The following ZRANB2 variants were observed in gnomAD, a reference collection of about 807,000 sequenced individuals.
ZRANB2 encodes zinc finger Ran-binding domain-containing protein 2.
A neutral mutation model predicts 53.4 loss-of-function variants in ZRANB2; 19 were observed. The observed-to-expected ratio is 0.36, with a 90% CI of 0.25 to 0.52. The LOEUF (loss-of-function observed/expected upper bound fraction) is 0.52. Among genes scored for constraint, ZRANB2 ranks in the 20% least tolerant of loss-of-function variants. The pLI is 0.93. For synonymous variants in ZRANB2, 145 were observed against 134.8 expected (o/e 1.08, Z -0.52); for missense variants, 309 against 401.1 (o/e 0.77, Z 1.96).
chr1:71,080,871 T>C (rs768204927), intron 1 of ZRANB2, 69 bp downstream of exon 1: 91 of 1,571,456 alleles, frequency 5.8e-5, no homozygotes, highest in Middle Eastern at 1.7e-4. Context: ...AAAAGGAAAA[T>C]GCCGGACGGA....
intron 9 of ZRANB2, chr1:71,066,509 A>C (rs1444529185): frequency 3.3e-6 from 1 of 299,504 alleles, no homozygotes; most frequent in Non-Finnish European, 6.1e-6. Context: ...AAAAGACAGA[A>C]ATAACCGAGA....
intron 4 of ZRANB2, 115 bp downstream of exon 4, chr1:71,076,680 C>T (rs561933463): frequency 1.2e-5 from 9 of 769,328 alleles, no homozygotes; most frequent in South Asian, 9.8e-5. Context: ...ACATTCAGGG[C>T]AGAATAAACA....
At chr1:71,079,518 G>C (rs982313781) in intron 1 of ZRANB2, among the ~76,000 whole-genome samples, 2 of 152,088 alleles carry the variant, frequency 1.3e-5, no homozygotes, top group Admixed American at 1.3e-4. Flanking sequence ...GTGAAGTATG[G>C]GATGACACTA....
intron 4 of ZRANB2, among the ~76,000 whole-genome samples, chr1:71,074,406 C>G (rs1330812329): frequency 6.6e-6 from 1 of 151,876 alleles, no homozygotes; most frequent in Non-Finnish European, 1.5e-5. Context: ...TGAGCAAGGG[C>G]CAAGAAAGAA....
Position 71,069,381 on chromosome 1 carries a change from A to ATT in ZRANB2, c.684-21_684-20dup. The ATT allele has an allele frequency of 2.0e-6, 3 of 1,527,816 alleles. No homozygotes were observed. The highest frequency in any genetic ancestry group is 1.2e-5 in the South Asian group (1 of 84,302). 94.6% of individuals were successfully genotyped at this position (1,527,816 alleles called of 1,614,324 possible). A position where few individuals can be genotyped will look rare whatever the true frequency, so the allele number is the denominator to read the frequency against. On this transcript the variant is annotated intron_variant, in intron 7 of 9. Coordinates refer to ENST00000370920, the MANE Select transcript of ZRANB2 (RefSeq NM_203350.3). ...ACGGGACCTGGAACAACATGGAACG[A>ATT]TTTTTTTTTTCCAGGACCATTTAAT...
At chr1:71,067,013 A>C (rs1661459007) in intron 8 of ZRANB2, 79 bp from the exon 9 acceptor site, 1 of 1,356,594 alleles carries the variant, frequency 7.4e-7, no homozygotes, top group Non-Finnish European at 9.8e-7. Context: ...AGATAGCTCC[A>C]AAAATAAACA....
At chr1:71,065,594 T>G (rs1404119823) in intron 9 of ZRANB2, 1 of 1,482,212 alleles carries the variant, frequency 6.7e-7, no homozygotes, top group Non-Finnish European at 9.0e-7. Context: ...AAATAAGTTT[T>G]GGAAATCTAG....
At chr1:71,078,186 A>AC (rs1418700641) in intron 3 of ZRANB2, among the ~76,000 whole-genome samples, 1 of 152,148 alleles carries the variant, frequency 6.6e-6, no homozygotes, top group Non-Finnish European at 1.5e-5. Context: ...TTTAAGTACC[A>AC]CCACCCCCCG....
In ZRANB2 at chr1:71,064,956, G is replaced by T; in HGVS notation, c.*118C>A. 1 of 582,650 alleles carries T rather than the reference G, an allele frequency of 1.7e-6. No homozygotes were observed. The highest frequency in any genetic ancestry group is 3.0e-6 in the Non-Finnish European group (1 of 331,060). 36.1% of individuals were successfully genotyped at this position (582,650 alleles called of 1,614,324 possible). ...CAGCTGTATTGTTTTGAAAAGCAAT[G>T]AAAGGCATGCACCTCTACTAGCAGA... On this transcript the variant is annotated 3_prime_UTR_variant, in exon 10 of 10. Transcript: ENST00000370920.
At position 71,072,551 on chromosome 1, in the gene ZRANB2, T is replaced by G. The variant is rs959498241; in HGVS notation, c.302-3A>C. 18 of 1,598,734 alleles carry G rather than the reference T, an allele frequency of 1.1e-5. No homozygotes were observed. The highest frequency in any genetic ancestry group is 3.3e-4 in the Middle Eastern group (2 of 6,030). ...TTCATTAAAACCACCACCATATCCT[T>G]AAAAAAGAGGGCACAAATTGTTACC... is the stretch of plus-strand genomic sequence containing the variant. On this transcript the variant is annotated splice_polypyrimidine_tract_variant and splice_region_variant and intron_variant, in intron 4 of 9. Transcript: ENST00000370920.
chr1:71,080,079 G>A (rs1478583902), intron 1 of ZRANB2, among the ~76,000 whole-genome samples: 1 of 151,874 alleles, frequency 6.6e-6, no homozygotes, highest in Non-Finnish European at 1.5e-5. Flanking sequence ...CAAAGTTTTT[G>A]CTTTTTACAA....
chr1:71,067,443 G>A (rs549828417), intron 8 of ZRANB2: 20 of 289,366 alleles, frequency 6.9e-5, no homozygotes, highest in Non-Finnish European at 1.2e-4. Flanking sequence ...GTACTTAACT[G>A]CTAAATATTC....
rs533388975 is a variant in ZRANB2, at chr1:71,066,709, G to C, written c.929+67C>G. 5 of 1,512,880 alleles carry C rather than the reference G, an allele frequency of 3.3e-6. No homozygotes were observed. In the South Asian group the frequency reaches 6.6e-5, roughly 20 times the overall value. The allele number at this position is 1,512,880 out of a possible 1,614,324, so 93.7% of individuals were successfully genotyped here. A position where few individuals can be genotyped will look rare whatever the true frequency, so the allele number is the denominator to read the frequency against. On this transcript the variant is annotated intron_variant, in intron 9 of 9. Transcript: ENST00000370920. ...ATAATAAAAATCTAACCCTTGACTA[G>C]GAAAGTTTACTTTATCTATTAAACA...
chr1:71,073,967 A>G (rs1450792099), intron 4 of ZRANB2, among the ~76,000 whole-genome samples: 1 of 152,132 alleles, frequency 6.6e-6, no homozygotes, highest in East Asian at 1.9e-4. Context: ...AATCAATGGA[A>G]TGATATGTAT....
intron 8 of ZRANB2, 50 bp downstream of exon 8, chr1:71,069,226 C>G (rs1216496721): frequency 6.8e-7 from 1 of 1,466,724 alleles, no homozygotes; most frequent in Non-Finnish European, 9.3e-7. Flanking sequence ...CCTTCTGCAG[C>G]CTTTAAATAT....
chr1:71,073,404 G>A lies in ZRANB2; in HGVS notation c.302-856C>T, dbSNP rs536085630. On this transcript the variant is annotated intron_variant, in intron 4 of 9. Coordinates refer to ENST00000370920, the MANE Select transcript of ZRANB2 (RefSeq NM_203350.3). Reference sequence around the variant, plus strand: ...AGAGCAGTATCAGTACAATAAGGCCGGTGATTTCCAGACTTAGGGACTTCA... The same window carrying A: ...AGAGCAGTATCAGTACAATAAGGCCAGTGATTTCCAGACTTAGGGACTTCA... Among the ~76,000 whole-genome samples, 14 of 151,644 alleles carry A rather than the reference G, an allele frequency of 9.2e-5. No homozygotes were observed. The South Asian group carries it at 1.0e-3, about 11-fold the overall frequency.
chr1:71,067,451 T>A (rs1263877697), intron 8 of ZRANB2: 1 of 291,758 alleles, frequency 3.4e-6, no homozygotes, highest in Non-Finnish European at 6.9e-6. Flanking sequence ...CTGCTAAATA[T>A]TCAAGAAGAA....
At chr1:71,072,425 C>T (rs1661615633) in intron 5 of ZRANB2, 47 bp downstream of exon 5, 2 of 1,537,644 alleles carry the variant, frequency 1.3e-6, no homozygotes, top group South Asian at 2.5e-5. Context: ...AGAATTTTTT[C>T]TGTTTTTCTA....
At chr1:71,072,295 T>G (rs1362169086) in intron 5 of ZRANB2, 40 bp from the exon 6 acceptor site, 1 of 1,553,390 alleles carries the variant, frequency 6.4e-7, no homozygotes, top group South Asian at 1.2e-5. Flanking sequence ...CAGCTGATAA[T>G]GCATTAAACT....
Sources: allele counts gnomAD v4.1 joint callset (sites outside exome capture counted in the v4.1 genomes callset), GRCh38; gene constraint gnomAD v4.1.1; transcripts MANE v1.5; gene names NCBI Gene and HGNC (gene_info 2026-07-23, HGNC 2026-07-21).